Variants in PITPNB observed in about 807,000 individuals in gnomAD.
PITPNB encodes phosphatidylinositol transfer protein beta isoform.
Under a neutral mutation model 45.9 loss-of-function variants are expected in PITPNB, and 16 were observed. The ratio of observed to expected loss-of-function variants is 0.35; its 90% CI spans 0.24 to 0.53. PITPNB has a LOEUF of 0.53. Ranked by LOEUF, PITPNB falls within the 20% of genes least tolerant of loss-of-function variation. The pLI, the probability that PITPNB is intolerant of heterozygous loss-of-function variation, is 0.93. For missense variants in PITPNB, 188 were observed against 330.5 expected, an observed-to-expected ratio of 0.57 and a Z score of 3.34; for synonymous variants, 112 against 108.9, an observed-to-expected ratio of 1.03 and a Z score of -0.18.
intron 9 of PITPNB, among the ~76,000 whole-genome samples, chr22:27,858,763 A>T (rs928430710): frequency 2.6e-5 from 4 of 152,164 alleles, no homozygotes; most frequent in Non-Finnish European, 5.9e-5. Flanking sequence ...AGTAGAAACT[A>T]AAAAAATGCG....
At chr22:27,904,193 A>G (rs1254140223) in intron 3 of PITPNB, among the ~76,000 whole-genome samples, 1 of 152,266 alleles carries the variant, frequency 6.6e-6, no homozygotes, top group Non-Finnish European at 1.5e-5. Context: ...AAATGTTAAC[A>G]GCAGCATTAC....
intron 8 of PITPNB, among the ~76,000 whole-genome samples, chr22:27,864,793 C>A (rs143986302): frequency 1.3e-5 from 2 of 151,980 alleles, no homozygotes; most frequent in East Asian, 3.9e-4. Context: ...CAAAAATTAG[C>A]TGGTCATGGT....
In PITPNB at chr22:27,858,439, G is replaced by T; in HGVS notation, c.716C>A (p.Thr239Lys). ...FCWIDKWIDL[T>K]MEDIRRMEDE... ...TTCCATTCTCCTAATGTCTTCCATC[G>T]TGAGATCGATCCACTTGTCAATCCA... Residue 239 changes from threonine to lysine, a missense_variant, in exon 10 of 12, where the codon ACG becomes AAG. Coordinates refer to ENST00000335272, the MANE Select transcript of PITPNB (RefSeq NM_012399.5). The T allele has an allele frequency of 6.2e-7, 1 of 1,608,350 alleles. No homozygotes were observed. Among genetic ancestry groups the T allele is most frequent in the Non-Finnish European group, 8.5e-7 (1 of 1,175,506 alleles).
intron 7 of PITPNB, among the ~76,000 whole-genome samples, chr22:27,888,554 C>T (rs1935188784): frequency 6.6e-6 from 1 of 152,170 alleles, no homozygotes; most frequent in Non-Finnish European, 1.5e-5. Context: ...CATCATTATT[C>T]TCAAGCTCAT....
At chr22:27,858,541 G>A in intron 9 of PITPNB, 32 bp from the exon 10 acceptor site, 2 of 1,578,688 alleles carry the variant, frequency 1.3e-6, no homozygotes, top group Non-Finnish European at 1.7e-6. Flanking sequence ...AGTAGCATAA[G>A]ATGACAAAAA....
chr22:27,894,675 G>A (rs1935383944), intron 6 of PITPNB, 37 bp from the exon 7 acceptor site: 1 of 1,196,974 alleles, frequency 8.4e-7, no homozygotes, highest in Non-Finnish European at 1.2e-6. Flanking sequence ...AAAACAAACT[G>A]TAGATTATTC....
chr22:27,900,212 T>TA (rs71316826), intron 3 of PITPNB, among the ~76,000 whole-genome samples: 143 of 114,608 alleles, frequency 1.2e-3, no homozygotes, highest in East Asian at 4.6e-3. Context: ...AAATAAAAAA[T>TA]AAAAAAAAAA....
chr22:27,855,832 A>G (rs1389926933), intron 10 of PITPNB, among the ~76,000 whole-genome samples: 1 of 152,234 alleles, frequency 6.6e-6, no homozygotes, highest in African/African-American at 2.4e-5. Context: ...TAAGAGCATT[A>G]TAATGTCATT....
intron 7 of PITPNB, among the ~76,000 whole-genome samples, chr22:27,893,068 T>C (rs531682092): frequency 2.0e-5 from 3 of 152,142 alleles, no homozygotes; most frequent in Non-Finnish European, 4.4e-5. Flanking sequence ...AAAATAGAAA[T>C]GGAAAGGGAC....
chr22:27,869,550 G>T (rs1293062785), intron 8 of PITPNB, among the ~76,000 whole-genome samples: 1 of 152,050 alleles, frequency 6.6e-6, no homozygotes, highest in Non-Finnish European at 1.5e-5. Flanking sequence ...GTAAAGACAC[G>T]TGAACCCGGA....
chr22:27,901,092 C>T (rs1300391463), intron 3 of PITPNB, among the ~76,000 whole-genome samples: 4 of 152,162 alleles, frequency 2.6e-5, no homozygotes, highest in Admixed American at 2.0e-4. Flanking sequence ...CTCGGAACAG[C>T]GTTCACTTAC....
intron 1 of PITPNB, 93 bp from the exon 2 acceptor site, chr22:27,914,440 CA>C (rs1936021411): frequency 2.7e-6 from 2 of 731,082 alleles, no homozygotes; most frequent in Non-Finnish European, 4.5e-6. Context: ...CCAATGATAA[CA>C]GAGACAGGTC....
intron 3 of PITPNB, among the ~76,000 whole-genome samples, chr22:27,908,636 C>T (rs1371112137): frequency 6.6e-6 from 1 of 151,958 alleles, no homozygotes; most frequent in Non-Finnish European, 1.5e-5. Flanking sequence ...GGGTATACTT[C>T]AATTAACAGG....
intron 3 of PITPNB, among the ~76,000 whole-genome samples, chr22:27,908,413 G>A (rs1283863038): frequency 1.4e-5 from 2 of 147,488 alleles, no homozygotes; most frequent in Admixed American, 1.4e-4. Flanking sequence ...TCTTTTCCAT[G>A]CAAGAATGTA....
chr22:27,894,258 G>T, intron 7 of PITPNB: 1 of 230,832 alleles, frequency 4.3e-6, no homozygotes, highest in Non-Finnish European at 8.4e-6. Flanking sequence ...TGTAAACAAT[G>T]TGTTTTTTGT....
intron 5 of PITPNB, 148 bp downstream of exon 5, chr22:27,896,982 T>C (rs1935450773): frequency 9.9e-6 from 7 of 708,224 alleles, no homozygotes; most frequent in South Asian, 6.6e-5. Context: ...ACTGGGAACA[T>C]GTGGTAGAGT....
intron 7 of PITPNB, among the ~76,000 whole-genome samples, chr22:27,885,855 T>C (rs1353402091): frequency 6.6e-6 from 1 of 152,240 alleles, no homozygotes. Flanking sequence ...AAATTCTCTC[T>C]GATCTACCAA....
Position 27,860,214 on chromosome 22 carries a change from G to A in PITPNB, c.562C>T (p.Pro188Ser). The change falls in exon 9 of 12, where the codon CCC becomes TCC. Residue 188 changes from proline to serine, a missense_variant. By Grantham distance (74) the Pro-to-Ser change is moderately conservative. Transcript: ENST00000335272. ...KKELANSPDC[P>S]QMCAYKLVTI... ...ACCAGCTTATAGGCACACATCTGGG[G>A]ACAGTCAGGGCTGTTTGCCAGCTCC... 6.2e-7 allele frequency: 1 copy of A among 1,613,232 alleles called. No homozygotes were observed. Among genetic ancestry groups the A allele is most frequent in the Non-Finnish European group, 8.5e-7 (1 of 1,179,292 alleles).
chr22:27,910,105 C>T (rs573078026), intron 3 of PITPNB, among the ~76,000 whole-genome samples: 2 of 152,198 alleles, frequency 1.3e-5, no homozygotes, highest in South Asian at 2.1e-4. Flanking sequence ...CGTGCGCCAC[C>T]ACACCCAGGC....
Sources: gnomAD v4.1 joint callset for allele counts (sites outside exome capture counted in the v4.1 genomes callset) on GRCh38, gnomAD v4.1.1 for gene constraint, MANE v1.5 for transcripts, NCBI Gene and HGNC (gene_info 2026-07-23, HGNC 2026-07-21) for gene names.